The following NPAS3 variants were observed in gnomAD, a reference collection of about 807,000 sequenced individuals.
NPAS3 encodes neuronal PAS domain-containing protein 3.
A neutral mutation model predicts 73.1 loss-of-function variants in NPAS3; 14 were observed. The observed-to-expected ratio is 0.19, with a 90% CI of 0.13 to 0.30. The LOEUF is 0.30. NPAS3 is among the 10% of genes least tolerant of loss of function. The probability of loss-of-function intolerance (pLI) is 1.00; values close to 1 mark genes in which losing one functional copy is unlikely to be tolerated. For synonymous variants in NPAS3, 620 were observed against 541.5 expected, an observed-to-expected ratio of 1.14 and a Z score of -2.01; for missense variants, 1,096 against 1,250.0, an observed-to-expected ratio of 0.88 and a Z score of 1.86.
intron 4 of NPAS3, among the ~76,000 whole-genome samples, chr14:33,520,813 G>A (rs2053522539): frequency 6.6e-6 from 1 of 152,144 alleles, no homozygotes; most frequent in African/African-American, 2.4e-5. Context: ...TGTTGAGTGG[G>A]AGGCAAGGCG....
chr14:33,653,580 G>A (rs939984702), intron 5 of NPAS3, among the ~76,000 whole-genome samples: 11 of 152,178 alleles, frequency 7.2e-5, no homozygotes, highest in Non-Finnish European at 1.5e-4. Flanking sequence ...AGCTCACTGG[G>A]GAAATGTTGG....
At chr14:32,948,251 T>G (rs1392903404) in intron 1 of NPAS3, among the ~76,000 whole-genome samples, 1 of 152,160 alleles carries the variant, frequency 6.6e-6, no homozygotes, top group Non-Finnish European at 1.5e-5. Context: ...CTTAAAAAAT[T>G]TATATTTTGG....
chr14:33,197,622 A>G (rs10139209), intron 2 of NPAS3, among the ~76,000 whole-genome samples: 32,154 of 152,202 alleles, frequency 0.21, 3,854 homozygotes, highest in South Asian at 0.38. Context: ...CCCAAACCCT[A>G]AAGCAGAAGA....
At chr14:33,637,271 A>G (rs995778020) in intron 5 of NPAS3, among the ~76,000 whole-genome samples, 5 of 152,226 alleles carry the variant, frequency 3.3e-5, no homozygotes, top group Non-Finnish European at 5.9e-5. Flanking sequence ...GAAATCACAA[A>G]TGAAAAATGC....
chr14:33,776,613 C>A (rs749486562), intron 8 of NPAS3, among the ~76,000 whole-genome samples: 1 of 136,128 alleles, frequency 7.3e-6, no homozygotes, highest in Non-Finnish European at 1.5e-5. Flanking sequence ...TATTTCCCAT[C>A]TACAGATGAT....
chr14:33,557,511 G>A (rs188181826), intron 4 of NPAS3, among the ~76,000 whole-genome samples: 143 of 152,180 alleles, frequency 9.4e-4, no homozygotes, highest in Non-Finnish European at 6.8e-4. Context: ...GTGAATATTC[G>A]CCTTTTCATT....
rs370970083 is a variant in NPAS3, at chr14:33,079,768, C to T, written c.140+23774C>T. On this transcript the variant is annotated intron_variant, in intron 2 of 11. Transcript: ENST00000356141. ...CTGGGATTACAGGTGTGTACCACCACGCCTAGCTAATTTTTGTATTTTTAT... is the reference window on the plus strand; with the variant it reads ...CTGGGATTACAGGTGTGTACCACCATGCCTAGCTAATTTTTGTATTTTTAT... Among the ~76,000 whole-genome samples, 68 of 151,458 alleles carry T rather than the reference C, an allele frequency of 4.5e-4. No homozygotes were observed. In the East Asian group the frequency reaches 9.6e-3, roughly 21 times the overall value.
intron 5 of NPAS3, among the ~76,000 whole-genome samples, chr14:33,587,238 T>C (rs1432721240): frequency 6.6e-6 from 1 of 152,220 alleles, no homozygotes; most frequent in Non-Finnish European, 1.5e-5. Flanking sequence ...TCCTATATAA[T>C]ATAAAATAGT....
chr14:33,672,183 T>G (rs936777024), intron 5 of NPAS3, among the ~76,000 whole-genome samples: 2 of 152,178 alleles, frequency 1.3e-5, no homozygotes, highest in African/African-American at 4.8e-5. Context: ...CTTAAAGAGT[T>G]TCTTAAAACC....
Position 33,418,309 on chromosome 14 carries a change from C to T in NPAS3, c.468+51041C>T, listed in dbSNP as rs1594872198. Among the ~76,000 whole-genome samples, 3 of 152,008 alleles carry T rather than the reference C, an allele frequency of 2.0e-5. No homozygotes were observed. The East Asian group carries it at 5.8e-4, about 30-fold the overall frequency. ...AGGGGCCAAAGGCTGAACAGCTTTT[C>T]ACCCGGATACCTGCTTTGGAAAGAA... is the stretch of plus-strand genomic sequence containing the variant. On this transcript the variant is annotated intron_variant, in intron 4 of 11. Transcript: ENST00000356141.
chr14:33,173,674 G>A (rs1324206045), intron 2 of NPAS3, among the ~76,000 whole-genome samples: 1 of 152,142 alleles, frequency 6.6e-6, no homozygotes, highest in Admixed American at 6.5e-5. Context: ...AAGAATTCTA[G>A]GAAAGCATTG....
chr14:33,346,287 G>A (rs2044727224), intron 3 of NPAS3, among the ~76,000 whole-genome samples: 1 of 151,130 alleles, frequency 6.6e-6, no homozygotes, highest in Admixed American at 6.6e-5. Context: ...TCAGCACTTT[G>A]GGAGGCCAAG....
intron 4 of NPAS3, among the ~76,000 whole-genome samples, chr14:33,456,388 T>C (rs897152256): frequency 1.1e-4 from 17 of 152,136 alleles, no homozygotes; most frequent in Admixed American, 5.3e-4. Flanking sequence ...TGTTGACAAA[T>C]GATAAAACTG....
At chr14:33,047,895 A>ATCCATCTG (rs2040565333) in intron 1 of NPAS3, among the ~76,000 whole-genome samples, 1 of 152,208 alleles carries the variant, frequency 6.6e-6, no homozygotes, top group Admixed American at 6.5e-5. Context: ...TCTGAAAGCT[A>ATCCATCTG]TCCATCTGAG....
At position 33,488,516 on chromosome 14, in the gene NPAS3, A is replaced by C. The variant is rs937682769; in HGVS notation, c.469-71605A>C. 2.0e-5 allele frequency among the ~76,000 whole-genome samples: 3 copies of C among 152,202 alleles called. No homozygotes were observed. In the East Asian group the frequency reaches 5.8e-4, roughly 29 times the overall value. ...CCCAAAATCTCATTTTAGGAACCCA[A>C]AATGAACACATACCTTAAAAAGGTG... On this transcript the variant is annotated intron_variant, in intron 4 of 11. Transcript: ENST00000356141.
At chr14:33,381,463 G>A (rs961733604) in intron 4 of NPAS3, among the ~76,000 whole-genome samples, 1 of 152,196 alleles carries the variant, frequency 6.6e-6, no homozygotes, top group Admixed American at 6.5e-5. Context: ...TCAGTTTGGG[G>A]AATTTATATG....
intron 1 of NPAS3, among the ~76,000 whole-genome samples, chr14:32,998,498 A>G (rs77826683): frequency 1.9e-3 from 294 of 152,306 alleles, no homozygotes; most frequent in Middle Eastern, 6.8e-3. Context: ...TGAATTGTTC[A>G]CTTTAAAATG....
chr14:33,536,811 C>T (rs566466680), intron 4 of NPAS3, among the ~76,000 whole-genome samples: 4 of 152,070 alleles, frequency 2.6e-5, no homozygotes, highest in East Asian at 1.9e-4. Flanking sequence ...AATTATATAA[C>T]GGATTACAAT....
chr14:33,374,992 T>C (rs1566844766), intron 4 of NPAS3, among the ~76,000 whole-genome samples: 1 of 152,194 alleles, frequency 6.6e-6, no homozygotes, highest in Non-Finnish European at 1.5e-5. Context: ...GAGTTAAAAT[T>C]TCACCTTTAT....
Sources: gnomAD v4.1 joint callset for allele counts (sites outside exome capture counted in the v4.1 genomes callset) on GRCh38, gnomAD v4.1.1 for gene constraint, MANE v1.5 for transcripts, NCBI Gene and HGNC (gene_info 2026-07-23, HGNC 2026-07-21) for gene names.